Variants in SLC26A7 observed in about 807,000 individuals in gnomAD.
SLC26A7 encodes the protein anion exchange transporter.
In SLC26A7, 59 loss-of-function variants were observed where a neutral mutation model predicts 82.5. That is an observed-to-expected ratio of 0.72 (90% CI 0.58 to 0.89). The LOEUF is 0.89. SLC26A7 is among the 40% of genes least tolerant of loss of function. The pLI, the probability that SLC26A7 is intolerant of heterozygous loss-of-function variation, is 0.00. For synonymous variants in SLC26A7, 271 were observed against 274.3 expected, an observed-to-expected ratio of 0.99 and a Z score of 0.12; for missense variants, 820 against 793.0, an observed-to-expected ratio of 1.03 and a Z score of -0.41.
rs755173902 is a variant in SLC26A7 at position 91,366,662 on chromosome 8, T to C, written c.1571T>C (p.Met524Thr). The C allele has an allele frequency of 6.8e-6, 11 of 1,613,618 alleles. No individual in the cohort carries two copies. The highest frequency in any genetic ancestry group is 1.7e-5 in the Admixed American group (1 of 59,896). Residue 524 changes from methionine (M) to threonine (T), a missense_variant, in exon 14 of 19, where the codon ATG becomes ACG. Physicochemically the swap from Met to Thr is moderately conservative, Grantham distance 81. Transcript: ENST00000276609. The part of the protein sequence containing the change: ...LNAKKFYTDL[M>T]NMIQKENACN... Reference sequence around the variant, plus strand: ...GCAAAAAAATTTTATACTGATTTAATGAACATGATCCAAAAGGAAAATGCC... The same window carrying C: ...GCAAAAAAATTTTATACTGATTTAACGAACATGATCCAAAAGGAAAATGCC...
intron 2 of SLC26A7, among the ~76,000 whole-genome samples, chr8:91,288,167 T>A (rs1811760660): frequency 6.6e-6 from 1 of 152,174 alleles, no homozygotes; most frequent in South Asian, 2.1e-4. Flanking sequence ...ATTATTGATA[T>A]TAGAATCAGA....
intron 2 of SLC26A7, among the ~76,000 whole-genome samples, chr8:91,241,545 T>C (rs547111117): frequency 2.1e-4 from 32 of 152,278 alleles, no homozygotes; most frequent in Admixed American, 1.4e-3. Flanking sequence ...CTATTGATCC[T>C]TAACACAAAG....
chr8:91,352,766 C>T (rs970580614), intron 10 of SLC26A7, 135 bp from the exon 11 acceptor site: 5 of 582,206 alleles, frequency 8.6e-6, no homozygotes, highest in Non-Finnish European at 8.8e-6. Context: ...ATAAATATTG[C>T]TTTTGTCTTC....
intron 2 of SLC26A7, among the ~76,000 whole-genome samples, chr8:91,234,772 C>T (rs1321131683): frequency 2.7e-5 from 4 of 146,190 alleles, no homozygotes; most frequent in Admixed American, 7.0e-5. Context: ...TCCTTCCTTC[C>T]TTCCTTCCTT....
rs149116441 is a variant in SLC26A7 at position 91,228,992 on chromosome 8, G to T, written c.-34+9987G>T. ...AATATTTATTGCTACTTCTCATAAG[G>T]AAGACATTATCCAAACTTAGGAGTG... On this transcript the variant is annotated intron_variant, in intron 2 of 5. Coordinates refer to the SLC26A7 transcript ENST00000522862. 2.9e-4 allele frequency among the ~76,000 whole-genome samples: 44 copies of T among 152,288 alleles called. No individual in the cohort carries two copies. The East Asian group carries it at 8.1e-3, about 28-fold the overall frequency.
intron 2 of SLC26A7, among the ~76,000 whole-genome samples, chr8:91,278,370 C>A (rs576693737): frequency 6.6e-5 from 10 of 152,098 alleles, no homozygotes; most frequent in Non-Finnish European, 1.3e-4. Flanking sequence ...CCAAAATTAT[C>A]CTTCTATGCT....
intron 2 of SLC26A7, among the ~76,000 whole-genome samples, chr8:91,281,678 A>G (rs532297435): frequency 6.6e-6 from 1 of 152,246 alleles, no homozygotes; most frequent in African/African-American, 2.4e-5. Context: ...ATGTATGTGG[A>G]GGTGTTTCTT....
At chr8:91,327,147 C>T (rs571987707) in intron 5 of SLC26A7, among the ~76,000 whole-genome samples, 1 of 152,206 alleles carries the variant, frequency 6.6e-6, no homozygotes, top group Non-Finnish European at 1.5e-5. Flanking sequence ...GACTACAATT[C>T]ACTCACTGCA....
At chr8:91,298,170 A>G (rs1402836318) in intron 4 of SLC26A7, among the ~76,000 whole-genome samples, 1 of 152,072 alleles carries the variant, frequency 6.6e-6, no homozygotes, top group Non-Finnish European at 1.5e-5. Flanking sequence ...GGGCTCCATG[A>G]CTTATTAGGT....
intron 1 of SLC26A7, among the ~76,000 whole-genome samples, chr8:91,213,963 T>G (rs1177070931): frequency 1.3e-5 from 2 of 152,090 alleles, no homozygotes; most frequent in East Asian, 1.9e-4. Flanking sequence ...AACTTGATCT[T>G]GTTTGGAAAT....
chr8:91,213,431 AGT>A (rs1290176785), intron 1 of SLC26A7, among the ~76,000 whole-genome samples: 1 of 152,212 alleles, frequency 6.6e-6, no homozygotes, highest in Non-Finnish European at 1.5e-5. Flanking sequence ...ACTTCAGAGC[AGT>A]ACTCATGTCA....
Position 91,234,827 on chromosome 8 carries a change from A to ACCTACTTCCTTCCTTCCTTCCTTC in SLC26A7, c.-33-14791_-33-14790insCTACTTCCTTCCTTCCTTCCTTCC, listed in dbSNP as rs1386380375. ...TACCTACCTACCTACCTACCTACCTACTTCCTTCCTTCCTTCCTTCCTTCC... is the reference window on the plus strand; with the variant it reads ...TACCTACCTACCTACCTACCTACCTACCTACTTCCTTCCTTCCTTCCTTCCTTCCTTCCTTCCTTCCTTCCTTCC... On this transcript the variant is annotated intron_variant, in intron 2 of 5. Coordinates refer to the SLC26A7 transcript ENST00000522862. 4.4e-3 allele frequency among the ~76,000 whole-genome samples: 405 copies of ACCTACTTCCTTCCTTCCTTCCTTC among 92,426 alleles called. 1 individual carries two copies. The highest frequency in any genetic ancestry group is 0.017 in the East Asian group (48 of 2,878). 60.6% of individuals were successfully genotyped at this position (92,426 alleles called of 152,430 possible). A position where few individuals can be genotyped will look rare whatever the true frequency, so the allele number is the denominator to read the frequency against.
intron 11 of SLC26A7, among the ~76,000 whole-genome samples, chr8:91,354,928 A>T (rs1197154513): frequency 2.0e-5 from 3 of 152,000 alleles, no homozygotes; most frequent in African/African-American, 7.2e-5. Context: ...AAGGATTCTC[A>T]TACTCGTTAT....
At chr8:91,255,807 C>G (rs1043290264) in intron 2 of SLC26A7, among the ~76,000 whole-genome samples, 5 of 152,104 alleles carry the variant, frequency 3.3e-5, no homozygotes, top group Non-Finnish European at 5.9e-5. Flanking sequence ...CTCCCTATAA[C>G]ATTTAGAGCT....
intron 5 of SLC26A7, among the ~76,000 whole-genome samples, chr8:91,333,580 C>A (rs1813155655): frequency 6.6e-6 from 1 of 152,046 alleles, no homozygotes; most frequent in Admixed American, 6.6e-5. Context: ...GAGAAGGACC[C>A]ACCCCACCAC....
At chr8:91,342,009 C>T (rs1212696667) in intron 8 of SLC26A7, among the ~76,000 whole-genome samples, 2 of 152,088 alleles carry the variant, frequency 1.3e-5, no homozygotes, top group Admixed American at 1.3e-4. Flanking sequence ...CTCACTGCGG[C>T]CTCAACCTCC....
chr8:91,376,059 G>A (rs988401563), intron 15 of SLC26A7, among the ~76,000 whole-genome samples: 3 of 151,888 alleles, frequency 2.0e-5, no homozygotes, highest in African/African-American at 7.3e-5. Context: ...AATTCCTTTA[G>A]CGAGTTGTTT....
intron 2 of SLC26A7, among the ~76,000 whole-genome samples, chr8:91,256,361 A>G (rs1041907604): frequency 6.6e-6 from 1 of 152,134 alleles, no homozygotes; most frequent in African/African-American, 2.4e-5. Flanking sequence ...ACACCTGGCC[A>G]GTGACTGATT....
chr8:91,257,493 G>T (rs1215603106), intron 2 of SLC26A7, among the ~76,000 whole-genome samples: 1 of 152,026 alleles, frequency 6.6e-6, no homozygotes, highest in Non-Finnish European at 1.5e-5. Context: ...AGGAAGGACT[G>T]CTTTGGGCTC....
Sources: gnomAD v4.1 joint callset for allele counts (sites outside exome capture counted in the v4.1 genomes callset) on GRCh38, gnomAD v4.1.1 for gene constraint, MANE v1.5 for transcripts, NCBI Gene and HGNC (gene_info 2026-07-23, HGNC 2026-07-21) for gene names.